IQSEC1: variants seen among roughly 807,000 people sequenced by gnomAD.
IQSEC1 encodes the protein IQ motif and SEC7 domain-containing protein 1.
In IQSEC1, 31 loss-of-function variants were observed where a neutral mutation model predicts 91.0. The observed-to-expected ratio is 0.34, with a 90% confidence interval of 0.26 to 0.46. The LOEUF (loss-of-function observed/expected upper bound fraction) is 0.46, where lower values mean the gene tolerates loss of function less well. Among genes scored for constraint, IQSEC1 ranks in the 20% least tolerant of loss-of-function variants. IQSEC1 has a pLI of 1.00. For synonymous variants in IQSEC1, 699 were observed against 662.6 expected (o/e 1.05, Z -0.84); for missense variants, 1,388 against 1,575.6 (o/e 0.88, Z 2.02).
intron 1 of IQSEC1, among the ~76,000 whole-genome samples, chr3:13,176,008 C>T (rs560635329): frequency 6.5e-4 from 99 of 152,330 alleles, no homozygotes; most frequent in African/African-American, 2.3e-3. Context: ...AGGGGGCAGA[C>T]GTGACAATGG....
At chr3:12,914,775 G>A (rs1343427659) in intron 8 of IQSEC1, among the ~76,000 whole-genome samples, 1 of 152,022 alleles carries the variant, frequency 6.6e-6, no homozygotes, top group Non-Finnish European at 1.5e-5. Flanking sequence ...ATGGGATGTG[G>A]GGGACAGAGC....
intron 1 of IQSEC1, chr3:13,015,600 A>C (rs1703087304): frequency 1.0e-6 from 1 of 985,158 alleles, no homozygotes; most frequent in Admixed American, 6.2e-5. Context: ...GAGGGGGCGG[A>C]GGTGTCCCTG....
At chr3:12,941,482 G>A in intron 2 of IQSEC1, 89 bp downstream of exon 2, 1 of 1,317,116 alleles carries the variant, frequency 7.6e-7, no homozygotes, top group East Asian at 2.5e-5. Context: ...CTATGGGAGA[G>A]ATCTGCCACC....
intron 1 of IQSEC1, among the ~76,000 whole-genome samples, chr3:13,019,732 C>A (rs1198483659): frequency 6.6e-6 from 1 of 152,208 alleles, no homozygotes; most frequent in Non-Finnish European, 1.5e-5. Flanking sequence ...GGGACAAACC[C>A]AGTGCCAATT....
chr3:13,226,924 C>T (rs942617330), intron 1 of IQSEC1, among the ~76,000 whole-genome samples: 12 of 152,150 alleles, frequency 7.9e-5, no homozygotes, highest in Non-Finnish European at 1.3e-4. Flanking sequence ...ACTGGAAAAG[C>T]TTCTCCGCAC....
chr3:12,986,651 C>T (rs1221507616), intron 1 of IQSEC1, among the ~76,000 whole-genome samples: 13 of 152,190 alleles, frequency 8.5e-5, no homozygotes, highest in East Asian at 3.8e-4. Flanking sequence ...CATGGGGCAC[C>T]GCCTGGGGAA....
intron 1 of IQSEC1, among the ~76,000 whole-genome samples, chr3:13,190,981 A>G (rs1166079357): frequency 2.0e-5 from 3 of 152,150 alleles, no homozygotes; most frequent in African/African-American, 7.2e-5. Flanking sequence ...CAGCAAACTG[A>G]TGCCTCCGAC....
In IQSEC1 at chr3:13,140,529, C is replaced by T. The variant is rs553308638; in HGVS notation, c.302+23575G>A. ...GGATCTCACTGGTGAGGAGTATGAA[C>T]TGGGCAAGAGGGTGTAAGGAACTTC... On this transcript the variant is annotated intron_variant, in intron 2 of 15. Transcript: ENST00000648114. 2.6e-3 allele frequency among the ~76,000 whole-genome samples: 394 copies of T among 152,266 alleles called. 5 individuals carry two copies. Among genetic ancestry groups the T allele is most frequent in the African/African-American group, 8.9e-3 (370 of 41,552 alleles).
intron 1 of IQSEC1, among the ~76,000 whole-genome samples, chr3:13,208,393 C>T (rs1233877890): frequency 1.3e-5 from 2 of 152,144 alleles, no homozygotes; most frequent in African/African-American, 4.8e-5. Flanking sequence ...AGAGCCTTAG[C>T]TCATTGGCCA....
chr3:13,187,228 A>G (rs1559273078), intron 1 of IQSEC1, among the ~76,000 whole-genome samples: 1 of 152,132 alleles, frequency 6.6e-6, no homozygotes, highest in Non-Finnish European at 1.5e-5. Flanking sequence ...CCCCTCAAGG[A>G]GCTTGCAGTC....
chr3:13,001,601 C>A (rs1468205899), intron 1 of IQSEC1, among the ~76,000 whole-genome samples: 1 of 152,204 alleles, frequency 6.6e-6, no homozygotes, highest in Non-Finnish European at 1.5e-5. Flanking sequence ...TGACCTGCAG[C>A]ATGCTTTTGT....
At chr3:13,088,536 C>T (rs116322916) in intron 2 of IQSEC1, among the ~76,000 whole-genome samples, 1,654 of 152,142 alleles carry the variant, frequency 0.011, 37 homozygotes, top group African/African-American at 0.038. Flanking sequence ...TCTGAATGGC[C>T]TTAGTACCCT....
rs1045644167 is a variant in IQSEC1, at chr3:12,900,673, C to G, written c.*310G>C. On this transcript the variant is annotated 3_prime_UTR_variant, in exon 14 of 14. Coordinates refer to ENST00000613206, the MANE Select transcript of IQSEC1 (RefSeq NM_001134382.3). ...ACATTAGGGCACAGGGAGCTGAGAG[C>G]TGGAGTGGGGGAGGCAGTTCAACAC... is the stretch of plus-strand genomic sequence containing the variant. 8.5e-6 allele frequency: 11 copies of G among 1,298,178 alleles called. No individual in the cohort carries two copies. The South Asian group carries it at 1.8e-4, about 22-fold the overall frequency. The allele number at this position is 1,298,178 out of a possible 1,614,324, so 80.4% of individuals were successfully genotyped here.
At chr3:13,174,837 C>CCG (rs1693694666) in intron 1 of IQSEC1, among the ~76,000 whole-genome samples, 1 of 148,592 alleles carries the variant, frequency 6.7e-6, no homozygotes, top group Admixed American at 6.7e-5. Context: ...TTCTGCTCCC[C>CCG]CCCCCCACCT....
intron 5 of IQSEC1, among the ~76,000 whole-genome samples, chr3:12,921,754 T>C (rs1317632690): frequency 1.3e-5 from 2 of 152,202 alleles, no homozygotes; most frequent in African/African-American, 2.4e-5. Context: ...ACTAGATAGA[T>C]GGACTTGTGG....
intron 2 of IQSEC1, among the ~76,000 whole-genome samples, chr3:13,081,297 C>A (rs1311805942): frequency 6.6e-6 from 1 of 152,226 alleles, no homozygotes; most frequent in African/African-American, 2.4e-5. Flanking sequence ...GAGACAGGAT[C>A]TTGCTCTGTT....
chr3:12,936,820 A>G (rs760076543), intron 2 of IQSEC1, 123 bp from the exon 3 acceptor site: 1 of 867,880 alleles, frequency 1.2e-6, no homozygotes, highest in South Asian at 1.8e-5. Flanking sequence ...AAGTTGGTCA[A>G]AGCAACTGCT....
intron 1 of IQSEC1, among the ~76,000 whole-genome samples, chr3:13,040,748 T>G (rs780506586): frequency 1.2e-4 from 18 of 152,200 alleles, no homozygotes; most frequent in Admixed American, 7.2e-4. Flanking sequence ...TGGTTTCCCC[T>G]CTGTCTGGAA....
chr3:13,181,776 T>C (rs1417339308), intron 1 of IQSEC1, among the ~76,000 whole-genome samples: 1 of 152,254 alleles, frequency 6.6e-6, no homozygotes, highest in Admixed American at 6.5e-5. Flanking sequence ...TGAATTTGTT[T>C]TTTCTTTTGG....
Sources: allele counts gnomAD v4.1 joint callset (sites outside exome capture counted in the v4.1 genomes callset), GRCh38; gene constraint gnomAD v4.1.1; transcripts MANE v1.5; gene names NCBI Gene and HGNC (gene_info 2026-07-23, HGNC 2026-07-21).